SETD3: variants seen among roughly 807,000 people sequenced by gnomAD.
The protein encoded by SETD3 is SET domain containing 3, actin N3(tau)-histidine methyltransferase.
Under a neutral mutation model 63.0 loss-of-function variants are expected in SETD3, and 19 were observed. That is an observed-to-expected ratio of 0.30 (90% CI 0.21 to 0.44). The LOEUF (loss-of-function observed/expected upper bound fraction) is 0.44, where lower values mean the gene tolerates loss of function less well. SETD3 is among the 20% of genes least tolerant of loss of function. SETD3 has a pLI of 1.00. For missense variants in SETD3, 587 were observed against 728.5 expected, an observed-to-expected ratio of 0.81 and a Z score of 2.24; for synonymous variants, 286 against 264.1, an observed-to-expected ratio of 1.08 and a Z score of -0.80.
chr14:99,459,911 C>T (rs1894975364), intron 4 of SETD3, among the ~76,000 whole-genome samples: 1 of 152,188 alleles, frequency 6.6e-6, no homozygotes, highest in Non-Finnish European at 1.5e-5. Context: ...GACATTCAGC[C>T]TCCAAATTGT....
upstream of SETD3, among the ~76,000 whole-genome samples, chr14:99,482,391 G>C (rs978820279): frequency 6.6e-6 from 1 of 152,338 alleles, no homozygotes; most frequent in Admixed American, 6.5e-5. Context: ...TCAGCGCCTA[G>C]AACACTGCCT....
intron 3 of SETD3, 58 bp downstream of exon 3, chr14:99,463,428 C>G: frequency 1.5e-6 from 2 of 1,351,730 alleles, no homozygotes; most frequent in Non-Finnish European, 2.1e-6. Flanking sequence ...AACCCTTTGA[C>G]CTAATCAAGT....
the SETD3 span, among the ~76,000 whole-genome samples, chr14:99,485,979 A>G: frequency 6.6e-6 from 1 of 152,232 alleles, no homozygotes; most frequent in Non-Finnish European, 1.5e-5. Flanking sequence ...TTATATGTGT[A>G]TATATGTATT....
At chr14:99,461,390 T>A in intron 3 of SETD3, 50 bp from the exon 4 acceptor site, 5 of 1,563,904 alleles carry the variant, frequency 3.2e-6, no homozygotes, top group Non-Finnish European at 3.5e-6. Flanking sequence ...AGGACACATA[T>A]CATTCACACG....
rs867214628 is a variant in SETD3 at position 99,452,848 on chromosome 14, G to A, written c.675+5431C>T. 1.1e-3 allele frequency among the ~76,000 whole-genome samples: 169 copies of A among 152,232 alleles called. 1 individual carries two copies. The highest frequency in any genetic ancestry group is 3.8e-3 in the African/African-American group (157 of 41,558). On this transcript the variant is annotated intron_variant, in intron 6 of 12. Transcript: ENST00000331768. ...ACCTCCGAGCCAGCAGGCAGATCGC[G>A]GGGGGAGAAAACAAAATAGGTTTCA...
chr14:99,441,968 G>T (rs1893844980), intron 6 of SETD3, among the ~76,000 whole-genome samples: 1 of 152,166 alleles, frequency 6.6e-6, no homozygotes, highest in African/African-American at 2.4e-5. Flanking sequence ...TAAAGTGAGA[G>T]AAATCATGGT....
Position 99,404,261 on chromosome 14 carries a change from G to C in SETD3, c.1141C>G (p.Leu381Val). The change falls in exon 11 of 13, where the codon CTT (leucine) becomes GTT (valine). Residue 381 changes from leucine to valine, a missense_variant. Coordinates refer to ENST00000331768, the MANE Select transcript of SETD3 (RefSeq NM_032233.3). ...HFTEPPISAQ[L>V]LAFLRVFCMT... The stretch of plus-strand genomic sequence containing the variant: ...CAGAATACTCGGAGAAAAGCCAAAA[G>C]CTGAGCAGAGATGGGCGGCTCGGTA... 1 of 1,614,098 alleles carries C rather than the reference G, an allele frequency of 6.2e-7. No individual in the cohort carries two copies. Among genetic ancestry groups the C allele is most frequent in the Non-Finnish European group, 8.5e-7 (1 of 1,180,006 alleles).
At chr14:99,445,984 G>A (rs1364026924) in intron 6 of SETD3, among the ~76,000 whole-genome samples, 1 of 152,196 alleles carries the variant, frequency 6.6e-6, no homozygotes, top group African/African-American at 2.4e-5. Flanking sequence ...GTAAAGCTGG[G>A]ACTGGAGTTG....
chr14:99,483,118 A>G (rs558412565), upstream of SETD3, among the ~76,000 whole-genome samples: 1 of 152,234 alleles, frequency 6.6e-6, no homozygotes, highest in Admixed American at 6.5e-5. Context: ...GTTTTCACAT[A>G]GAACCATTCG....
intron 4 of SETD3, among the ~76,000 whole-genome samples, chr14:99,459,462 G>A (rs1047545079): frequency 6.6e-6 from 1 of 152,198 alleles, no homozygotes; most frequent in Non-Finnish European, 1.5e-5. Context: ...ACTTTAACCT[G>A]AAGCAAATAT....
intron 1 of SETD3, among the ~76,000 whole-genome samples, chr14:99,466,388 G>A (rs906563154): frequency 6.6e-6 from 1 of 152,302 alleles, no homozygotes; most frequent in African/African-American, 2.4e-5. Flanking sequence ...GAAGCTGATG[G>A]CAGACCCGGG....
chr14:99,455,515 G>T (rs1894708556), intron 6 of SETD3, among the ~76,000 whole-genome samples: 2 of 152,164 alleles, frequency 1.3e-5, no homozygotes, highest in South Asian at 4.1e-4. Context: ...GACCAAAAAA[G>T]TGCTCTAAAA....
upstream of SETD3, chr14:99,481,474 C>T: frequency 2.5e-6 from 1 of 398,690 alleles, no homozygotes; most frequent in Non-Finnish European, 4.4e-6. Flanking sequence ...TTGCCTGAAG[C>T]GAGGGGTGAG....
At chr14:99,466,553 T>C (rs983831840) in intron 1 of SETD3, among the ~76,000 whole-genome samples, 3 of 151,948 alleles carry the variant, frequency 2.0e-5, no homozygotes, top group East Asian at 3.9e-4. Context: ...AGATAATGCT[T>C]GCTTGCAAGT....
At chr14:99,433,726 C>T (rs969006242) in intron 6 of SETD3, among the ~76,000 whole-genome samples, 1 of 152,154 alleles carries the variant, frequency 6.6e-6, no homozygotes, top group Non-Finnish European at 1.5e-5. Context: ...TGTGAGCTAC[C>T]ACATCCGGCC....
At chr14:99,406,716 G>A in intron 8 of SETD3, 126 bp from the exon 9 acceptor site, 1 of 839,340 alleles carries the variant, frequency 1.2e-6, no homozygotes, top group South Asian at 1.6e-5. Context: ...GGTGGCATCT[G>A]AATGCTTTGG....
chr14:99,455,411 C>T (rs1481443726), intron 6 of SETD3, among the ~76,000 whole-genome samples: 1 of 152,176 alleles, frequency 6.6e-6, no homozygotes, highest in Admixed American at 6.5e-5. Flanking sequence ...GTGTTTGTTC[C>T]CCTGTATTTG....
At chr14:99,467,616 A>G (rs1485852199) in intron 1 of SETD3, among the ~76,000 whole-genome samples, 1 of 152,184 alleles carries the variant, frequency 6.6e-6, no homozygotes, top group Non-Finnish European at 1.5e-5. Context: ...GCTTGGCAGG[A>G]GGAGACGCAG....
intron 11 of SETD3, among the ~76,000 whole-genome samples, chr14:99,403,375 A>G (rs1273578775): frequency 6.6e-6 from 1 of 151,882 alleles, no homozygotes; most frequent in African/African-American, 2.4e-5. Context: ...TCATTTACTC[A>G]TTCCTACTCA....
Sources: gnomAD v4.1 joint callset for allele counts (sites outside exome capture counted in the v4.1 genomes callset) on GRCh38, gnomAD v4.1.1 for gene constraint, MANE v1.5 for transcripts, NCBI Gene and HGNC (gene_info 2026-07-23, HGNC 2026-07-21) for gene names.